TOM1L2: variants seen among roughly 807,000 people sequenced by gnomAD.
The protein encoded by TOM1L2 is target of myb1 like 2 membrane trafficking protein.
A neutral mutation model predicts 67.9 loss-of-function variants in TOM1L2; 31 were observed. The ratio of observed to expected loss-of-function variants is 0.46; its 90% CI spans 0.34 to 0.62. The LOEUF (loss-of-function observed/expected upper bound fraction) is 0.62. Ranked by LOEUF, TOM1L2 falls within the 20% of genes least tolerant of loss-of-function variation. The probability of loss-of-function intolerance (pLI) is 0.01; values close to 1 mark genes in which losing one functional copy is unlikely to be tolerated. For missense variants in TOM1L2, 606 were observed against 663.5 expected (o/e 0.91, Z 0.95); for synonymous variants, 256 against 254.0 (o/e 1.01, Z -0.07).
intron 1 of TOM1L2, among the ~76,000 whole-genome samples, chr17:17,958,415 C>G (rs556922582): frequency 6.6e-6 from 1 of 152,166 alleles, no homozygotes; most frequent in Non-Finnish European, 1.5e-5. Flanking sequence ...ACCATCAAAT[C>G]TAGAGCTAAA....
At chr17:17,857,205 A>G (rs1384434929) in intron 12 of TOM1L2, among the ~76,000 whole-genome samples, 1 of 152,180 alleles carries the variant, frequency 6.6e-6, no homozygotes, top group Non-Finnish European at 1.5e-5. Context: ...TGCCTGCCTC[A>G]GCCTCCCAAA....
intron 1 of TOM1L2, among the ~76,000 whole-genome samples, chr17:17,926,383 G>A (rs1229823482): frequency 1.3e-5 from 2 of 152,054 alleles, no homozygotes; most frequent in African/African-American, 4.8e-5. Flanking sequence ...AGTTAAGGAG[G>A]ACCAAACTGA....
chr17:17,912,551 C>T (rs1487129595), intron 1 of TOM1L2, among the ~76,000 whole-genome samples: 8 of 147,410 alleles, frequency 5.4e-5, no homozygotes, highest in African/African-American at 1.5e-4. Flanking sequence ...CCAGACGGGG[C>T]GGCGGGGCAG....
At chr17:17,959,109 G>A in intron 1 of TOM1L2, among the ~76,000 whole-genome samples, 1 of 152,168 alleles carries the variant, frequency 6.6e-6, no homozygotes, top group African/African-American at 2.4e-5. Context: ...TAAGTAAAGT[G>A]TTGTCCTGAA....
chr17:17,930,804 C>A (rs534307863), intron 1 of TOM1L2, among the ~76,000 whole-genome samples: 43 of 152,256 alleles, frequency 2.8e-4, no homozygotes, highest in African/African-American at 1.0e-3. Flanking sequence ...TGCAACTAGA[C>A]ACTAATTAGG....
chr17:17,921,914 G>A (rs1326118457), intron 1 of TOM1L2, among the ~76,000 whole-genome samples: 1 of 152,014 alleles, frequency 6.6e-6, no homozygotes, highest in Non-Finnish European at 1.5e-5. Flanking sequence ...GAGAGGAGGT[G>A]TGCCTGAGAA....
rs1568065721 is a variant in TOM1L2, at chr17:17,857,016, G to T, written c.1278+4460C>A. Among the ~76,000 whole-genome samples the T allele has an allele frequency of 2.6e-5, 4 of 152,322 alleles. No homozygotes were observed. In the South Asian group the frequency reaches 8.3e-4, roughly 32 times the overall value. On this transcript the variant is annotated intron_variant, in intron 12 of 14. Transcript: ENST00000379504. Reference sequence around the variant, plus strand: ...TATCACCAGGCTGGAGTGCAGTGGTGCAATCTCAGCTCACTACAATCTCTG... The same window carrying T: ...TATCACCAGGCTGGAGTGCAGTGGTTCAATCTCAGCTCACTACAATCTCTG...
chr17:17,867,619 T>A (rs1424233340), intron 8 of TOM1L2, among the ~76,000 whole-genome samples: 3 of 152,190 alleles, frequency 2.0e-5, no homozygotes, highest in Admixed American at 6.5e-5. Context: ...ATAGATTATG[T>A]TCTGTATCGT....
At chr17:17,919,052 A>G (rs566310447) in intron 1 of TOM1L2, among the ~76,000 whole-genome samples, 1 of 152,312 alleles carries the variant, frequency 6.6e-6, no homozygotes, top group East Asian at 1.9e-4. Flanking sequence ...AATGTGCATT[A>G]TAATGGAGTC....
intron 1 of TOM1L2, 85 bp downstream of exon 1, chr17:17,972,177 C>T (rs1420265787): frequency 1.3e-6 from 2 of 1,513,800 alleles, no homozygotes; most frequent in Non-Finnish European, 1.8e-6. Context: ...TGAAGTGGCA[C>T]CGGCGCCCGG....
intron 2 of TOM1L2, among the ~76,000 whole-genome samples, chr17:17,900,166 T>C (rs1327014380): frequency 1.3e-5 from 2 of 151,930 alleles, no homozygotes; most frequent in Admixed American, 6.6e-5. Flanking sequence ...TGAGCTGAGA[T>C]CACGCCATTG....
intron 1 of TOM1L2, among the ~76,000 whole-genome samples, chr17:17,953,382 AATC>A (rs1460202089): frequency 6.6e-6 from 1 of 152,236 alleles, no homozygotes; most frequent in Admixed American, 6.5e-5. Flanking sequence ...AGCATGAATT[AATC>A]AGGAAGCAGC....
intron 1 of TOM1L2, among the ~76,000 whole-genome samples, chr17:17,925,158 G>T (rs2040032614): frequency 6.6e-6 from 1 of 152,084 alleles, no homozygotes; most frequent in Admixed American, 6.6e-5. Context: ...TATACAGCCT[G>T]CAAAACCATG....
At chr17:17,893,127 A>G (rs1369863327) in intron 4 of TOM1L2, among the ~76,000 whole-genome samples, 2 of 152,234 alleles carry the variant, frequency 1.3e-5, no homozygotes, top group Admixed American at 6.5e-5. Context: ...AAATATGCCA[A>G]CTGCTCTCTT....
At chr17:17,869,981 G>C (rs1267409453) in intron 7 of TOM1L2, 1 of 152,798 alleles carries the variant, frequency 6.5e-6, no homozygotes, top group African/African-American at 2.4e-5. Flanking sequence ...CACTTCCATA[G>C]GACAGGTTCC....
intron 1 of TOM1L2, among the ~76,000 whole-genome samples, chr17:17,966,548 A>G (rs951710443): frequency 6.6e-6 from 1 of 152,228 alleles, no homozygotes; most frequent in Non-Finnish European, 1.5e-5. Context: ...AGAAACTCTG[A>G]GGGTAGGATC....
At chr17:17,970,978 G>T (rs1296868891) in intron 1 of TOM1L2, among the ~76,000 whole-genome samples, 1 of 152,176 alleles carries the variant, frequency 6.6e-6, no homozygotes, top group East Asian at 1.9e-4. Flanking sequence ...AAAAAGGCAA[G>T]TTGCTTTCTT....
At chr17:17,971,166 G>A (rs1174779234) in intron 1 of TOM1L2, among the ~76,000 whole-genome samples, 1 of 152,088 alleles carries the variant, frequency 6.6e-6, no homozygotes, top group Non-Finnish European at 1.5e-5. Context: ...TTTCAGCTTT[G>A]GTAAACTTAA....
At chr17:17,959,693 T>C (rs1316232414) in intron 1 of TOM1L2, among the ~76,000 whole-genome samples, 3 of 152,186 alleles carry the variant, frequency 2.0e-5, no homozygotes, top group Non-Finnish European at 2.9e-5. Context: ...CTCCACAGTG[T>C]CCTATTACAG....
Sources: gnomAD v4.1 joint callset for allele counts (sites outside exome capture counted in the v4.1 genomes callset) on GRCh38, gnomAD v4.1.1 for gene constraint, MANE v1.5 for transcripts, NCBI Gene and HGNC (gene_info 2026-07-23, HGNC 2026-07-21) for gene names.